Variants in DNAH5 observed in about 807,000 individuals in gnomAD.
The protein encoded by DNAH5 is dynein axonemal heavy chain 5.
A neutral mutation model predicts 518.2 loss-of-function variants in DNAH5; 372 were observed. That is an observed-to-expected ratio of 0.72 (90% CI 0.66 to 0.78). The LOEUF is 0.78. DNAH5 is among the 30% of genes least tolerant of loss of function. The pLI, the probability that DNAH5 is intolerant of heterozygous loss-of-function variation, is 0.00. For missense variants in DNAH5, 5,523 were observed against 5,687.0 expected (o/e 0.97, Z 0.93); for synonymous variants, 2,039 against 2,025.9 (o/e 1.01, Z -0.17).
rs367646077 is a variant in DNAH5 at position 13,708,119 on chromosome 5, G to A, written c.13338+4C>T. Reference sequence around the variant, plus strand: ...AGGCAGAATAACAGCAGGCTTATACGTACTTTTTTCCACCAAGCAGGGATT... The same window carrying A: ...AGGCAGAATAACAGCAGGCTTATACATACTTTTTTCCACCAAGCAGGGATT... On this transcript the variant is annotated splice_donor_region_variant and intron_variant, in intron 76 of 78. Transcript: ENST00000265104. 5.6e-6 allele frequency: 9 copies of A among 1,613,732 alleles called. No homozygotes were observed. The highest frequency in any genetic ancestry group is 4.5e-5 in the East Asian group (2 of 44,892).
chr5:13,994,129 C>G (rs1322281543), intron 1 of DNAH5, among the ~76,000 whole-genome samples: 1 of 152,198 alleles, frequency 6.6e-6, no homozygotes, highest in African/African-American at 2.4e-5. Context: ...CTTCCCACTG[C>G]ACTTCCTCCC....
chr5:13,803,049 A>T (rs5020720), intron 47 of DNAH5, among the ~76,000 whole-genome samples: 3 of 150,596 alleles, frequency 2.0e-5, no homozygotes, highest in East Asian at 3.9e-4. Context: ...TATATATGAA[A>T]GCAATTCATG....
intron 65 of DNAH5, among the ~76,000 whole-genome samples, chr5:13,746,460 C>T (rs907270557): frequency 6.6e-6 from 1 of 152,136 alleles, no homozygotes; most frequent in Non-Finnish European, 1.5e-5. Flanking sequence ...CAGGCCAACA[C>T]ACGGTTTGCA....
At chr5:13,788,939 G>T (rs1319151728) in intron 50 of DNAH5, 25 bp from the exon 51 acceptor site, 3 of 1,602,690 alleles carry the variant, frequency 1.9e-6, no homozygotes, top group Non-Finnish European at 2.6e-6. Context: ...ATTAAAATGT[G>T]TTAGTAATTC....
intron 78 of DNAH5, among the ~76,000 whole-genome samples, chr5:13,698,248 T>A (rs1324566044): frequency 1.3e-5 from 2 of 152,216 alleles, no homozygotes; most frequent in African/African-American, 4.8e-5. Flanking sequence ...CAGTCTGTAG[T>A]ATTTTGTTAT....
chr5:13,908,480 T>G (rs1435896163), intron 12 of DNAH5, among the ~76,000 whole-genome samples: 3 of 152,206 alleles, frequency 2.0e-5, no homozygotes, highest in Non-Finnish European at 4.4e-5. Context: ...CTGAACTCTC[T>G]GTCAACATGT....
chr5:13,914,591 T>A lies in DNAH5; in HGVS notation c.1249A>T (p.Thr417Ser). The part of the protein sequence containing the change: ...ACKAYITNNG[T>S]ASIWNQPQDV... ...TGTGGCTGGTTCCAGATGGAAGCGG[T>A]TCCATTATTGGTAATATAGGCTTTA... Residue 417 changes from threonine to serine, a missense_variant, in exon 10 of 79, where the codon ACC (threonine) becomes TCC (serine). Physicochemically the swap from Thr to Ser is moderately conservative, Grantham distance 58. This residue lies in a region of DNAH5 where 5,121 missense variants were observed against 5,223.3 expected (regional missense o/e 0.98). Transcript: ENST00000265104. The A allele has an allele frequency of 1.2e-6, 2 of 1,613,320 alleles. No homozygotes were observed. The highest frequency in any genetic ancestry group is 1.7e-6 in the Non-Finnish European group (2 of 1,179,362).
intron 1 of DNAH5, among the ~76,000 whole-genome samples, chr5:13,990,666 G>A (rs924582746): frequency 3.3e-5 from 5 of 152,086 alleles, no homozygotes; most frequent in Non-Finnish European, 7.4e-5. Context: ...TCAAGAGTTC[G>A]AGACCAGCCT....
Position 13,841,918 on chromosome 5 carries a change from C to CAAAAAAAAAAAAAAAAAAAAACAA in DNAH5, c.5272-15_5272-14insTTGTTTTTTTTTTTTTTTTTTTTT, listed in dbSNP as rs35337694. 3 of 592,650 alleles carry CAAAAAAAAAAAAAAAAAAAAACAA rather than the reference C, an allele frequency of 5.1e-6. No individual in the cohort carries two copies. The highest frequency in any genetic ancestry group is 2.5e-5 in the African/African-American group (1 of 40,704). The allele number at this position is 592,650 out of a possible 1,614,324, so 36.7% of individuals were successfully genotyped here. A position where few individuals can be genotyped will look rare whatever the true frequency, so the allele number is the denominator to read the frequency against. ...TCGATCATAGATCTATGTTAGAAAC[C>CAAAAAAAAAAAAAAAAAAAAACAA]AAAAAAAAAAAAAAAAAAAGCTATA... On this transcript the variant is annotated splice_polypyrimidine_tract_variant and intron_variant, in intron 32 of 78. Coordinates refer to ENST00000265104, the MANE Select transcript of DNAH5 (RefSeq NM_001369.3).
chr5:13,934,932 G>A (rs1162725788), intron 1 of DNAH5, among the ~76,000 whole-genome samples: 5 of 152,200 alleles, frequency 3.3e-5, no homozygotes, highest in African/African-American at 1.2e-4. Context: ...CCAGGAAGAT[G>A]TCCTGTTGTT....
chr5:13,717,414 A>T lies in DNAH5; in HGVS notation c.12606T>A (p.Gly4202=). 2 of 1,614,090 alleles carry T rather than the reference A, an allele frequency of 1.2e-6. No individual in the cohort carries two copies. Among genetic ancestry groups the T allele is most frequent in the African/African-American group, 1.3e-5 (1 of 75,042 alleles). ...CGTAGGGGATATTCCACCCCAGGGC[A>T]CCGAACTTGCGCCTCTCCTGGACAG... ...HSTVQERRKF[G]ALGWNIPYEF... Residue 4202 remains glycine (G), a synonymous_variant, in exon 73 of 79, where the codon GGT becomes GGA. Coordinates refer to ENST00000265104, the MANE Select transcript of DNAH5 (RefSeq NM_001369.3).
intron 17 of DNAH5, among the ~76,000 whole-genome samples, chr5:13,890,597 C>T (rs1372085371): frequency 1.3e-5 from 2 of 152,088 alleles, no homozygotes; most frequent in African/African-American, 4.8e-5. Context: ...CCCCCCTCAA[C>T]AAAAATGTTT....
At chr5:13,866,745 G>A (rs1019106936) in intron 25 of DNAH5, among the ~76,000 whole-genome samples, 13 of 152,072 alleles carry the variant, frequency 8.5e-5, no homozygotes, top group Non-Finnish European at 1.8e-4. Flanking sequence ...CTTCATCCAT[G>A]GCGTTGGTAC....
At chr5:13,826,990 T>C (rs1375193378) in intron 38 of DNAH5, among the ~76,000 whole-genome samples, 1 of 152,188 alleles carries the variant, frequency 6.6e-6, no homozygotes, top group Non-Finnish European at 1.5e-5. Flanking sequence ...GACAGTGATT[T>C]CCGGCTGAGG....
chr5:13,849,371 T>C (rs1254879365), intron 31 of DNAH5, among the ~76,000 whole-genome samples: 3 of 152,232 alleles, frequency 2.0e-5, no homozygotes, highest in Non-Finnish European at 4.4e-5. Flanking sequence ...AATGAAGCCA[T>C]TCCATTAGAG....
At chr5:13,846,223 A>G (rs1052842983) in intron 31 of DNAH5, among the ~76,000 whole-genome samples, 2 of 152,024 alleles carry the variant, frequency 1.3e-5, no homozygotes, top group Non-Finnish European at 2.9e-5. Flanking sequence ...TGTACAGATT[A>G]TTCCACACCC....
chr5:13,866,875 G>C (rs1769331825), intron 25 of DNAH5, among the ~76,000 whole-genome samples: 2 of 152,154 alleles, frequency 1.3e-5, no homozygotes, highest in Non-Finnish European at 2.9e-5. Context: ...ATTGCCTGGA[G>C]ATGGGTCTCA....
chr5:13,741,304 G>C (rs1042673241), intron 65 of DNAH5, among the ~76,000 whole-genome samples: 1 of 152,164 alleles, frequency 6.6e-6, no homozygotes, highest in Non-Finnish European at 1.5e-5. Context: ...TGAGCACAGT[G>C]AATCAGGTCT....
At chr5:13,821,105 A>G (rs1762186511) in intron 40 of DNAH5, among the ~76,000 whole-genome samples, 1 of 152,204 alleles carries the variant, frequency 6.6e-6, no homozygotes, top group South Asian at 2.1e-4. Context: ...ACATATTTAC[A>G]TAGACAAAAA....
Sources: gnomAD v4.1 joint callset for allele counts (sites outside exome capture counted in the v4.1 genomes callset) on GRCh38, gnomAD v4.1.1 for gene constraint, gnomAD v4.1.1 regional missense constraint, MANE v1.5 for transcripts, NCBI Gene and HGNC (gene_info 2026-07-23, HGNC 2026-07-21) for gene names.